SYT8: variants seen among roughly 807,000 people sequenced by gnomAD.
SYT8 encodes synaptotagmin 8.
A neutral mutation model predicts 34.9 loss-of-function variants in SYT8; 50 were observed. That is an observed-to-expected ratio of 1.43 (90% CI 1.14 to 1.81). The LOEUF (loss-of-function observed/expected upper bound fraction) is 1.81, where lower values mean the gene tolerates loss of function less well. Ranked by LOEUF, SYT8 falls within the 40% of genes most tolerant of loss-of-function variation. The pLI is 0.00. For missense variants in SYT8, 595 were observed against 529.0 expected, an observed-to-expected ratio of 1.12 and a Z score of -1.22; for synonymous variants, 255 against 234.2, an observed-to-expected ratio of 1.09 and a Z score of -0.81.
intron 5 of SYT8, 37 bp from the exon 6 acceptor site, chr11:1,836,719 C>T: frequency 3.7e-6 from 6 of 1,600,848 alleles, no homozygotes; most frequent in Non-Finnish European, 5.1e-6. Context: ...CGGCCAGAAT[C>T]ACCCTCCCGG....
upstream of SYT8, chr11:1,833,819 T>C (rs758982673): frequency 1.4e-3 from 53 of 36,708 alleles, no homozygotes; most frequent in African/African-American, 3.3e-3. Flanking sequence ...CGCGTGCGTG[T>C]GTGTGTGTGT....
chr11:1,835,837 A>C (rs756234208), intron 2 of SYT8, 49 bp from the exon 3 acceptor site: 3 of 1,514,700 alleles, frequency 2.0e-6, no homozygotes, highest in Non-Finnish European at 2.7e-6. Flanking sequence ...CAGGGCTCTG[A>C]TGAGGCATGA....
intron 3 of SYT8, 56 bp from the exon 4 acceptor site, chr11:1,836,070 G>T: frequency 6.4e-7 from 1 of 1,557,380 alleles, no homozygotes; most frequent in Non-Finnish European, 8.7e-7. Flanking sequence ...TGCCCTGGGT[G>T]GTGGGGAGCT....
chr11:1,832,546 C>T (rs1846704770), upstream of SYT8, among the ~76,000 whole-genome samples: 1 of 152,168 alleles, frequency 6.6e-6, no homozygotes. Flanking sequence ...CGAGAGCCCC[C>T]AGCGCCCAAG....
chr11:1,837,366 G>A lies in SYT8; in HGVS notation c.1099G>A (p.Glu367Lys). The change falls in exon 8 of 8, where the codon GAG (glutamate) becomes AAG (lysine). Residue 367 changes from glutamate to lysine, a missense_variant. Physicochemically the swap from Glu to Lys is moderately conservative, Grantham distance 56 (BLOSUM62 1). Transcript: ENST00000341958. Reference protein sequence around the residue: ...AQRHPLRPAREVDRMLALQPR... With the variant: ...AQRHPLRPARKVDRMLALQPR... ...GCGGCACCCCCTGCGGCCAGCCAGG[G>A]AGGTGGACCGCATGCTGGCCCTGCA... 1 of 1,598,380 alleles carries A rather than the reference G, an allele frequency of 6.3e-7. No homozygotes were observed. The highest frequency in any genetic ancestry group is 8.5e-7 in the Non-Finnish European group (1 of 1,176,658).
Position 1,837,507 on chromosome 11 carries a change from C to T in SYT8, c.*76C>T, listed in dbSNP as rs559201434. The T allele has an allele frequency of 4.4e-4, 687 of 1,554,624 alleles. 1 individual carries two copies. The highest frequency in any genetic ancestry group is 9.0e-4 in the African/African-American group (66 of 73,362). ...CGCCCTGCAGGACCACTGCAATAAA[C>T]GCCTTCTCCTGCCACTGTGTGTCCG... is the stretch of plus-strand genomic sequence containing the variant. On this transcript the variant is annotated 3_prime_UTR_variant, in exon 8 of 8. Transcript: ENST00000341958.
chr11:1,835,541 A>G, intron 2 of SYT8, 82 bp downstream of exon 2: 2 of 1,518,130 alleles, frequency 1.3e-6, no homozygotes, highest in East Asian at 2.3e-5. Flanking sequence ...AGGCGAGTTC[A>G]GCCCCAGGGA....
At chr11:1,836,898 G>T (rs369178045) in intron 6 of SYT8, 37 bp downstream of exon 6, 11 of 1,612,596 alleles carry the variant, frequency 6.8e-6, no homozygotes, top group South Asian at 2.2e-5. Flanking sequence ...TGTACAGAGG[G>T]GGGGCCCGTG....
Position 1,835,024 on chromosome 11 carries a change from T to C in SYT8, c.-82T>C, listed in dbSNP as rs552811119. ...ACTGGCTGCTGCTAGTCAGATGGGG[T>C]AGCGGGCAGGGGCCGGAGGGGCCAC... is the stretch of plus-strand genomic sequence containing the variant. On this transcript the variant is annotated 5_prime_UTR_variant, in exon 1 of 8. It removes the in-frame stop codon of an upstream open reading frame in the 5' UTR. Coordinates refer to ENST00000341958, the MANE Select transcript of SYT8 (RefSeq NM_001394072.1). 96 of 1,415,258 alleles carry C rather than the reference T, an allele frequency of 6.8e-5. 2 individuals carry two copies. In the South Asian group the frequency reaches 1.1e-3, roughly 16 times the overall value. 87.7% of individuals were successfully genotyped at this position (1,415,258 alleles called of 1,614,324 possible).
rs2133016155 is a variant in SYT8 at position 1,835,379 on chromosome 11, T to C, written c.178T>C (p.Cys60Arg). 3 of 1,607,196 alleles carry C rather than the reference T, an allele frequency of 1.9e-6. No individual in the cohort carries two copies. Among genetic ancestry groups the C allele is most frequent in the Non-Finnish European group, 1.7e-6 (2 of 1,179,046 alleles). Residue 60 changes from cysteine to arginine, a missense_variant, in exon 2 of 8, where the codon TGC becomes CGC. Cys to Arg is a radical substitution (Grantham distance 180). Transcript: ENST00000341958. ...CCTCCTCTGTGCTGCCTGCTGCTGC[T>C]GCCGCCGCCACAGGAAGAAGCCCAG... ...SCLLCAACCC[C>R]RRHRKKPRDK...
chr11:1,834,494 C>G, upstream of SYT8: 5 of 1,397,394 alleles, frequency 3.6e-6, no homozygotes, highest in Non-Finnish European at 4.9e-6. This position sits in a 1 kb window ranked among gnomAD's most constrained non-coding sequence, Gnocchi z 4.5. Flanking sequence ...TGAGCTCCGC[C>G]GACAGCCAGC....
Position 1,837,292 on chromosome 11 carries a change from T to G in SYT8, c.1025T>G (p.Leu342Arg), listed in dbSNP as rs1489403952. 6.3e-7 allele frequency: 1 copy of G among 1,590,232 alleles called. No homozygotes were observed. Among genetic ancestry groups the G allele is most frequent in the East Asian group, 2.2e-5 (1 of 44,550 alleles). ...HLGARASGQP[L>R]QHWADMLAHA... ...GGTGCCCGGGCCTCGGGGCAGCCCC[T>G]GCAGCACTGGGCAGACATGCTGGCC... The change falls in exon 8 of 8, where the codon CTG (leucine) becomes CGG (arginine). Residue 342 changes from leucine to arginine, a missense_variant. Transcript: ENST00000341958.
At position 1,836,214 on chromosome 11, in the gene SYT8, GAC is replaced by G. The variant is rs1463601584; in HGVS notation, c.450_451del (p.His150GlnfsTer3). 1 of 1,592,198 alleles carries G rather than the reference GAC, an allele frequency of 6.3e-7. No homozygotes were observed. The highest frequency in any genetic ancestry group is 2.3e-5 in the East Asian group (1 of 44,098). On this transcript the variant is annotated frameshift_variant, in exon 4 of 8. Transcript: ENST00000341958. LOFTEE classifies it high-confidence loss of function. ...CGGGTCAGCGTCTCCACCCAGGCCG[GAC>G]ACAGACATGAGACAAAAGTGCACCG...
chr11:1,835,952 C>T lies in SYT8; in HGVS notation c.325C>T (p.Leu109Phe). The T allele has an allele frequency of 6.2e-7, 1 of 1,607,708 alleles. No individual in the cohort carries two copies. The highest frequency in any genetic ancestry group is 1.1e-5 in the South Asian group (1 of 90,288). ...TGCTCAGCAATGGGGGTGCCTGCAGCTCTCCCTGGAGTTCGACTTTGGAAG... is the reference window on the plus strand; with the variant it reads ...TGCTCAGCAATGGGGGTGCCTGCAGTTCTCCCTGGAGTTCGACTTTGGAAG... ...GDAQQWGCLQ[L>F]SLEFDFGSQE... Residue 109 changes from leucine (L) to phenylalanine (F), a missense_variant, in exon 3 of 8, where the codon CTC (leucine) becomes TTC (phenylalanine). By Grantham distance (22) the Leu-to-Phe change is conservative (BLOSUM62 0). Coordinates refer to ENST00000341958, the MANE Select transcript of SYT8 (RefSeq NM_001394072.1).
rs775709713 is a variant in SYT8, at chr11:1,837,280, C to T, written c.1013C>T (p.Ser338Leu). The T allele has an allele frequency of 2.7e-5, 43 of 1,586,084 alleles. No homozygotes were observed. Among genetic ancestry groups the T allele is most frequent in the South Asian group, 2.6e-4 (23 of 89,236 alleles). The change falls in exon 8 of 8, where the codon TCG (serine) becomes TTG (leucine). Residue 338 changes from serine (S) to leucine (L), a missense_variant. By Grantham distance (145) the Ser-to-Leu change is moderately radical. Coordinates refer to ENST00000341958, the MANE Select transcript of SYT8 (RefSeq NM_001394072.1). ...AAGGTGCACCTGGGTGCCCGGGCCT[C>T]GGGGCAGCCCCTGCAGCACTGGGCA... is the stretch of plus-strand genomic sequence containing the variant. ...VGKVHLGARA[S>L]GQPLQHWADM...
Position 1,836,140 on chromosome 11 carries a change from G to C in SYT8, c.372G>C (p.Leu124=). ...DFGSQEIRVG[L]RQAADLRPGG... is the part of the protein sequence containing the mutation. ...CTGGCTCCCAGATCAGGGTGGGCCT[G>C]AGGCAGGCAGCCGACCTGAGGCCTG... is the stretch of plus-strand genomic sequence containing the variant. The change falls in exon 4 of 8, where the codon CTG becomes CTC. Residue 124 remains leucine (L), a synonymous_variant. Transcript: ENST00000341958. 11 of 1,506,062 alleles carry C rather than the reference G, an allele frequency of 7.3e-6. No individual in the cohort carries two copies. The highest frequency in any genetic ancestry group is 9.8e-6 in the Non-Finnish European group (11 of 1,127,836). 93.3% of individuals were successfully genotyped at this position (1,506,062 alleles called of 1,614,324 possible). A position where few individuals can be genotyped will look rare whatever the true frequency, so the allele number is the denominator to read the frequency against.
chr11:1,837,014 C>A lies in SYT8; in HGVS notation c.848C>A (p.Thr283Lys). The A allele has an allele frequency of 1.9e-6, 3 of 1,613,856 alleles. No individual in the cohort carries two copies. Among genetic ancestry groups the A allele is most frequent in the Admixed American group, 3.3e-5 (2 of 60,030 alleles). ...CAGAGGAAGTGGAAGAAGAGAAAGA[C>A]AGCCACCAAAAAGGGCACGGCGGCC... ...LNQRKWKKRKTATKKGTAAPY... is the reference protein window; with the variant it reads ...LNQRKWKKRKKATKKGTAAPY... The change falls in exon 7 of 8, where the codon ACA (threonine) becomes AAA (lysine). Residue 283 changes from threonine to lysine, a missense_variant. Transcript: ENST00000341958.
chr11:1,836,509 G>C lies in SYT8; in HGVS notation c.601G>C (p.Glu201Gln). The C allele has an allele frequency of 6.2e-7, 1 of 1,612,652 alleles. No individual in the cohort carries two copies. Among genetic ancestry groups the C allele is most frequent in the Non-Finnish European group, 8.5e-7 (1 of 1,179,930 alleles). Residue 201 changes from glutamate to glutamine, a missense_variant, in exon 5 of 8, where the codon GAG becomes CAG. By Grantham distance (29) the Glu-to-Gln change is conservative. Coordinates refer to ENST00000341958, the MANE Select transcript of SYT8 (RefSeq NM_001394072.1). Reference protein sequence around the residue: ...KRFSGHEPLGELRLPLGTVDL... With the variant: ...KRFSGHEPLGQLRLPLGTVDL... Reference sequence around the variant, plus strand: ...CTTCTCGGGGCATGAGCCCCTGGGTGAGCTCCGTCTGCCACTGGGCACCGT... The same window carrying C: ...CTTCTCGGGGCATGAGCCCCTGGGTCAGCTCCGTCTGCCACTGGGCACCGT...
chr11:1,832,891 G>C (rs939839918), upstream of SYT8, among the ~76,000 whole-genome samples: 3 of 152,158 alleles, frequency 2.0e-5, no homozygotes, highest in African/African-American at 2.4e-5. Flanking sequence ...GACTAAAGGA[G>C]GGGGGACGCC....
Sources: allele counts gnomAD v4.1 joint callset (sites outside exome capture counted in the v4.1 genomes callset), GRCh38; gene constraint gnomAD v4.1.1; non-coding constraint Gnocchi (gnomAD v3.1); transcripts MANE v1.5; gene names NCBI Gene and HGNC (gene_info 2026-07-23, HGNC 2026-07-21).